GTF3C1: variants seen among roughly 807,000 people sequenced by gnomAD.
GTF3C1 encodes the protein general transcription factor 3C polypeptide 1.
GTF3C1 carries 57 observed loss-of-function variants against 226.7 expected under a neutral mutation model. That is an observed-to-expected ratio of 0.25 (90% CI 0.20 to 0.31). GTF3C1 has a LOEUF of 0.31. Ranked by LOEUF, GTF3C1 falls within the 10% of genes least tolerant of loss-of-function variation. The pLI, the probability that GTF3C1 is intolerant of heterozygous loss-of-function variation, is 1.00. For missense variants in GTF3C1, 2,217 were observed against 2,776.1 expected, an observed-to-expected ratio of 0.80 and a Z score of 4.53; for synonymous variants, 1,090 against 1,084.8, an observed-to-expected ratio of 1.00 and a Z score of -0.09.
At chr16:27,511,948 T>C (rs2088579432) in intron 6 of GTF3C1, 47 bp from the exon 7 acceptor site, 1 of 1,606,264 alleles carries the variant, frequency 6.2e-7, no homozygotes, top group South Asian at 1.1e-5. Flanking sequence ...AAAGCAGTGC[T>C]GCGTGGGGGA....
chr16:27,541,463 A>G (rs984707009), intron 2 of GTF3C1, among the ~76,000 whole-genome samples: 2 of 152,256 alleles, frequency 1.3e-5, no homozygotes, highest in African/African-American at 4.8e-5. Flanking sequence ...ATATTATTAT[A>G]GAACTGAGAG....
In GTF3C1 at chr16:27,461,580, A is replaced by G. The variant is rs755958789; in HGVS notation, c.6118-18T>C. ...TCCAGGCCCTGGAGACACCAGACAC[A>G]CAGGTTACAGCGGCACTGCCCTCGC... is the stretch of plus-strand genomic sequence containing the variant. On this transcript the variant is annotated intron_variant, in intron 36 of 36. Coordinates refer to ENST00000356183, the MANE Select transcript of GTF3C1 (RefSeq NM_001520.4). The surrounding 1 kb of genome is among the most constrained non-coding windows in gnomAD (Gnocchi z 5.3). 6.3e-6 allele frequency: 10 copies of G among 1,578,816 alleles called. No individual in the cohort carries two copies. Among genetic ancestry groups the G allele is most frequent in the Non-Finnish European group, 8.7e-6 (10 of 1,149,112 alleles).
chr16:27,534,048 G>C (rs1265870299), intron 4 of GTF3C1, among the ~76,000 whole-genome samples: 1 of 152,082 alleles, frequency 6.6e-6, no homozygotes, highest in Non-Finnish European at 1.5e-5. Flanking sequence ...GAAGGATGGG[G>C]GTTATTCTAC....
intron 14 of GTF3C1, 90 bp downstream of exon 14, chr16:27,497,547 G>T: frequency 1.9e-6 from 2 of 1,037,664 alleles, no homozygotes; most frequent in Non-Finnish European, 2.9e-6. Flanking sequence ...GCGGCTCGGA[G>T]CTCAAATGGA....
Position 27,484,283 on chromosome 16 carries a change from T to A in GTF3C1, c.3929A>T (p.Asp1310Val). 1 of 1,607,286 alleles carries A rather than the reference T, an allele frequency of 6.2e-7. No homozygotes were observed. The highest frequency in any genetic ancestry group is 8.5e-7 in the Non-Finnish European group (1 of 1,173,768). Residue 1310 changes from aspartate to valine, a missense_variant, in exon 25 of 37, where the codon GAT (aspartate) becomes GTT (valine). Transcript: ENST00000356183. ...ILHATFEESL[D>V]KTSHSVGRRA... ...TCGTCCAACGGAATGAGATGTTTTA[T>A]CCAAAGACTCTTCAAACGTGGCATG...
At chr16:27,509,909 C>T (rs2088547714) in intron 7 of GTF3C1, among the ~76,000 whole-genome samples, 1 of 152,018 alleles carries the variant, frequency 6.6e-6, no homozygotes, top group Non-Finnish European at 1.5e-5. Context: ...AGAAAGATGA[C>T]TAGGATGTGT....
intron 5 of GTF3C1, among the ~76,000 whole-genome samples, chr16:27,529,101 C>T (rs2088876030): frequency 6.6e-6 from 1 of 151,960 alleles, no homozygotes; most frequent in Non-Finnish European, 1.5e-5. Flanking sequence ...AGATACACAC[C>T]CCTGTCCCCC....
intron 12 of GTF3C1, among the ~76,000 whole-genome samples, chr16:27,499,537 C>T (rs2088373254): frequency 6.6e-6 from 1 of 152,174 alleles, no homozygotes; most frequent in African/African-American, 2.4e-5. Flanking sequence ...TGAACATGGG[C>T]TCAGAAAGAT....
intron 6 of GTF3C1, among the ~76,000 whole-genome samples, chr16:27,521,563 G>A (rs566554310): frequency 9.2e-5 from 14 of 152,356 alleles, no homozygotes; most frequent in East Asian, 7.7e-4. Context: ...GGCAAAGGGC[G>A]CTCCCCAGGT....
At chr16:27,524,067 C>A (rs1425234402) in intron 6 of GTF3C1, among the ~76,000 whole-genome samples, 3 of 152,158 alleles carry the variant, frequency 2.0e-5, no homozygotes, top group Non-Finnish European at 2.9e-5. Flanking sequence ...ACTCACTGGG[C>A]AATGGGTCCT....
chr16:27,477,469 A>G (rs921229798), intron 28 of GTF3C1, among the ~76,000 whole-genome samples: 1 of 152,036 alleles, frequency 6.6e-6, no homozygotes, highest in Admixed American at 6.6e-5. Flanking sequence ...ACGCCCAGCT[A>G]ATTTTTGTAT....
At chr16:27,486,179 AG>A (rs749731503) in intron 23 of GTF3C1, 25 bp from the exon 24 acceptor site, 1 of 1,500,606 alleles carries the variant, frequency 6.7e-7, no homozygotes, top group South Asian at 1.2e-5. Context: ...GGGAGAAGGC[AG>A]GAGACCTCTA....
Position 27,533,398 on chromosome 16 carries a change from C to T in GTF3C1, c.753-11G>A. ...TCGTATTTGCTCCTCCTGCAAGAAA[C>T]ACCGAGCAATTCGTTTTTTCAAACC... is the stretch of plus-strand genomic sequence containing the variant. On this transcript the variant is annotated splice_polypyrimidine_tract_variant and intron_variant, in intron 4 of 36. Coordinates refer to ENST00000356183, the MANE Select transcript of GTF3C1 (RefSeq NM_001520.4). 2 of 1,511,850 alleles carry T rather than the reference C, an allele frequency of 1.3e-6. No individual in the cohort carries two copies. Among genetic ancestry groups the T allele is most frequent in the Non-Finnish European group, 1.8e-6 (2 of 1,087,172 alleles). The allele number at this position is 1,511,850 out of a possible 1,614,324, so 93.7% of individuals were successfully genotyped here.
At chr16:27,512,424 T>C (rs2088587944) in intron 6 of GTF3C1, among the ~76,000 whole-genome samples, 1 of 152,192 alleles carries the variant, frequency 6.6e-6, no homozygotes. Context: ...TTTATAATGA[T>C]TCCAAGTGTA....
At chr16:27,467,638 G>A (rs1040788129) in intron 32 of GTF3C1, among the ~76,000 whole-genome samples, 5 of 152,258 alleles carry the variant, frequency 3.3e-5, no homozygotes, top group South Asian at 4.1e-4. Flanking sequence ...GGGAGGCTAC[G>A]GTGGGTGGAT....
intron 13 of GTF3C1, 131 bp from the exon 14 acceptor site, chr16:27,497,952 CAGGGAGATGA>C: frequency 1.5e-6 from 1 of 681,526 alleles, no homozygotes. Context: ...TTGTAGGGGC[CAGGGAGATGA>C]TGCAAACAAA....
intron 6 of GTF3C1, among the ~76,000 whole-genome samples, chr16:27,512,380 GCTGTATAACC>G (rs574964859): frequency 1.1e-4 from 16 of 152,206 alleles, no homozygotes; most frequent in Non-Finnish European, 1.9e-4. Context: ...GTGTAAACGA[GCTGTATAACC>G]CTTCTAGAGC....
intron 2 of GTF3C1, among the ~76,000 whole-genome samples, chr16:27,542,264 G>A (rs1306523767): frequency 1.3e-5 from 2 of 152,158 alleles, no homozygotes; most frequent in African/African-American, 4.8e-5. Context: ...TCATGTTGAA[G>A]TTTAACTACC....
intron 6 of GTF3C1, among the ~76,000 whole-genome samples, chr16:27,525,425 T>G (rs2088817687): frequency 6.6e-6 from 1 of 152,254 alleles, no homozygotes; most frequent in Non-Finnish European, 1.5e-5. Flanking sequence ...AACTCAAAGA[T>G]GAGGTTTTGC....
Sources: allele counts gnomAD v4.1 joint callset (sites outside exome capture counted in the v4.1 genomes callset), GRCh38; gene constraint gnomAD v4.1.1; non-coding constraint Gnocchi (gnomAD v3.1); transcripts MANE v1.5; gene names NCBI Gene and HGNC (gene_info 2026-07-23, HGNC 2026-07-21).